PPIL4: variants seen among roughly 807,000 people sequenced by gnomAD.
The protein encoded by PPIL4 is peptidyl-prolyl cis-trans isomerase-like 4.
A neutral mutation model predicts 69.1 loss-of-function variants in PPIL4; 50 were observed. That is an observed-to-expected ratio of 0.72 (90% CI 0.58 to 0.92). The LOEUF (loss-of-function observed/expected upper bound fraction) is 0.92, where lower values mean the gene tolerates loss of function less well. Ranked by LOEUF, PPIL4 falls within the 40% of genes least tolerant of loss-of-function variation. The pLI, the probability that PPIL4 is intolerant of heterozygous loss-of-function variation, is 0.00. For missense variants in PPIL4, 480 were observed against 587.9 expected (o/e 0.82, Z 1.90); for synonymous variants, 193 against 191.6 (o/e 1.01, Z -0.06).
In PPIL4 at chr6:149,546,030, A is replaced by G; in HGVS notation, c.-25T>C. On this transcript the variant is annotated 5_prime_UTR_variant, in exon 1 of 13. Coordinates refer to ENST00000253329, the MANE Select transcript of PPIL4 (RefSeq NM_139126.4). ...TGGCGCCCGCTCCTCCTCCGCTACA[A>G]ACCCCGGGAGGAGGGGGGTGACAGG... 2.6e-6 allele frequency: 4 copies of G among 1,558,598 alleles called. No homozygotes were observed. The highest frequency in any genetic ancestry group is 3.5e-6 in the Non-Finnish European group (4 of 1,148,968).
chr6:149,539,858 G>A (rs940482579), intron 4 of PPIL4, among the ~76,000 whole-genome samples: 16 of 152,164 alleles, frequency 1.1e-4, no homozygotes, highest in African/African-American at 2.4e-4. Flanking sequence ...GGTCGGCCAC[G>A]GTGGCTCACA....
chr6:149,525,745 G>A (rs1777096451), intron 8 of PPIL4, among the ~76,000 whole-genome samples: 1 of 152,144 alleles, frequency 6.6e-6, no homozygotes, highest in Non-Finnish European at 1.5e-5. Context: ...AGGCCAATAA[G>A]CTGAAGTTGA....
At chr6:149,507,642 C>CT (rs1205403181) in intron 12 of PPIL4, among the ~76,000 whole-genome samples, 1 of 152,044 alleles carries the variant, frequency 6.6e-6, no homozygotes, top group African/African-American at 2.4e-5. Context: ...CACTTAAGTG[C>CT]TTTGAGTATT....
intron 4 of PPIL4, among the ~76,000 whole-genome samples, chr6:149,537,244 A>G (rs1376901108): frequency 6.6e-6 from 1 of 152,326 alleles, no homozygotes; most frequent in Admixed American, 6.5e-5. Flanking sequence ...AAACAGCCTT[A>G]TATTGGAAGA....
intron 12 of PPIL4, among the ~76,000 whole-genome samples, chr6:149,507,966 A>G (rs1485639561): frequency 6.6e-6 from 1 of 152,212 alleles, no homozygotes; most frequent in Non-Finnish European, 1.5e-5. Flanking sequence ...AAGTAGTGTA[A>G]GTGAAAACTG....
intron 12 of PPIL4, among the ~76,000 whole-genome samples, chr6:149,509,981 G>C (rs563181603): frequency 2.6e-5 from 4 of 152,176 alleles, no homozygotes; most frequent in African/African-American, 9.6e-5. Context: ...GGCTGGTCTT[G>C]AACTCTGGGA....
intron 7 of PPIL4, among the ~76,000 whole-genome samples, chr6:149,531,951 A>C (rs944813812): frequency 6.6e-6 from 1 of 152,204 alleles, no homozygotes; most frequent in African/African-American, 2.4e-5. Context: ...TACAGGCGTG[A>C]GCCACTGTGC....
intron 12 of PPIL4, among the ~76,000 whole-genome samples, chr6:149,508,155 A>G (rs1385532013): frequency 2.0e-5 from 3 of 152,238 alleles, no homozygotes; most frequent in Non-Finnish European, 4.4e-5. Context: ...CACAGGTTGG[A>G]GATAATTTAA....
intron 1 of PPIL4, among the ~76,000 whole-genome samples, chr6:149,543,771 T>C (rs1422957137): frequency 6.6e-6 from 1 of 152,192 alleles, no homozygotes; most frequent in African/African-American, 2.4e-5. Flanking sequence ...ATAGATGCAC[T>C]GGAGGTGGGG....
At chr6:149,542,769 G>A (rs1373150847) in intron 1 of PPIL4, among the ~76,000 whole-genome samples, 2 of 152,210 alleles carry the variant, frequency 1.3e-5, no homozygotes, top group Non-Finnish European at 2.9e-5. Context: ...AGCAGAGAGT[G>A]AAGGGTGAGC....
chr6:149,531,569 C>T (rs1165163695), intron 7 of PPIL4, among the ~76,000 whole-genome samples: 1 of 151,450 alleles, frequency 6.6e-6, no homozygotes, highest in Non-Finnish European at 1.5e-5. Flanking sequence ...AAAATAAATG[C>T]AACAGATGAT....
intron 1 of PPIL4, 31 bp downstream of exon 1, chr6:149,545,905 C>T (rs771702691): frequency 6.4e-7 from 1 of 1,559,486 alleles, no homozygotes; most frequent in South Asian, 1.2e-5. Context: ...TCGGGGGCCC[C>T]GGCGACAGGT....
chr6:149,504,989 T>C lies in PPIL4; in HGVS notation c.*464A>G, dbSNP rs1776745989. The C allele has an allele frequency of 6.5e-6, 1 of 153,200 alleles. No individual in the cohort carries two copies. Among genetic ancestry groups the C allele is most frequent in the South Asian group, 2.0e-4 (1 of 4,890 alleles). 9.5% of individuals were successfully genotyped at this position (153,200 alleles called of 1,614,324 possible). On this transcript the variant is annotated 3_prime_UTR_variant, in exon 13 of 13. Coordinates refer to ENST00000253329, the MANE Select transcript of PPIL4 (RefSeq NM_139126.4). ...AATTAACATTTCACTTACAGATACATACGTATGTTGTAAAACTATAATAGA... is the reference window on the plus strand; with the variant it reads ...AATTAACATTTCACTTACAGATACACACGTATGTTGTAAAACTATAATAGA...
At chr6:149,537,478 C>T (rs920959749) in intron 4 of PPIL4, among the ~76,000 whole-genome samples, 6 of 152,200 alleles carry the variant, frequency 3.9e-5, no homozygotes, top group East Asian at 1.9e-4. Flanking sequence ...GAGGCCGAGG[C>T]GGGTGGATCA....
At chr6:149,543,667 T>G (rs1320941851) in intron 1 of PPIL4, among the ~76,000 whole-genome samples, 1 of 152,146 alleles carries the variant, frequency 6.6e-6, no homozygotes, top group Non-Finnish European at 1.5e-5. Flanking sequence ...ACCTGTCACT[T>G]ATGTGGTACT....
chr6:149,517,467 G>GA lies in PPIL4; in HGVS notation c.983-18dup. On this transcript the variant is annotated splice_polypyrimidine_tract_variant and intron_variant, in intron 10 of 12. Coordinates refer to ENST00000253329, the MANE Select transcript of PPIL4 (RefSeq NM_139126.4). ...ATTTCCCACCTATTTATTAAGAAAA[G>GA]AAAAAAAGAGCTTAGTAAAAAAACC... The GA allele has an allele frequency of 1.5e-6, 2 of 1,318,868 alleles. No individual in the cohort carries two copies. Among genetic ancestry groups the GA allele is most frequent in the Non-Finnish European group, 1.0e-6 (1 of 958,706 alleles). 81.7% of individuals were successfully genotyped at this position (1,318,868 alleles called of 1,614,324 possible).
At chr6:149,527,445 C>A (rs1777125007) in intron 7 of PPIL4, among the ~76,000 whole-genome samples, 1 of 152,186 alleles carries the variant, frequency 6.6e-6, no homozygotes, top group African/African-American at 2.4e-5. Flanking sequence ...AACAACAGAG[C>A]TGGGATTTGA....
intron 8 of PPIL4, 34 bp from the exon 9 acceptor site, chr6:149,525,243 A>AG: frequency 8.4e-7 from 1 of 1,192,896 alleles, no homozygotes; most frequent in Non-Finnish European, 1.2e-6. Flanking sequence ...ACTTAAAAAA[A>AG]AAAAAAAGGA....
intron 10 of PPIL4, among the ~76,000 whole-genome samples, chr6:149,518,839 ATTATCT>A (rs761309634): frequency 5.3e-4 from 81 of 152,308 alleles, no homozygotes; most frequent in Admixed American, 9.1e-4. Flanking sequence ...TCTGCAATTC[ATTATCT>A]TTATTTACAT....
Sources: allele counts gnomAD v4.1 joint callset (sites outside exome capture counted in the v4.1 genomes callset), GRCh38; gene constraint gnomAD v4.1.1; transcripts MANE v1.5; gene names NCBI Gene and HGNC (gene_info 2026-07-23, HGNC 2026-07-21).